Variants in CA12 observed in about 807,000 individuals in gnomAD.
CA12 encodes carbonic anhydrase 12.
CA12 carries 36 observed loss-of-function variants against 46.8 expected under a neutral mutation model. That is an observed-to-expected ratio of 0.77 (90% CI 0.59 to 1.02). The LOEUF is 1.02. Ranked by LOEUF, CA12 falls within the 50% of genes least tolerant of loss-of-function variation. The pLI, the probability that CA12 is intolerant of heterozygous loss-of-function variation, is 0.00. For missense variants in CA12, 436 were observed against 451.4 expected (o/e 0.97, Z 0.31); for synonymous variants, 202 against 187.0 (o/e 1.08, Z -0.65).
Position 63,331,932 on chromosome 15 carries a change from C to T in CA12, c.875-3802G>A, listed in dbSNP as rs1407858226. 5 of 152,150 alleles carry T rather than the reference C, an allele frequency of 3.3e-5. No homozygotes were observed. The allele number at this position is 152,150 out of a possible 1,614,324, so 9.4% of individuals were successfully genotyped here. A position where few individuals can be genotyped will look rare whatever the true frequency, so the allele number is the denominator to read the frequency against. On this transcript the variant is annotated intron_variant, in intron 8 of 10. Coordinates refer to ENST00000178638, the MANE Select transcript of CA12 (RefSeq NM_001218.5). The surrounding 1 kb of genome is among the most constrained non-coding windows in gnomAD (Gnocchi z 5.3). ...ATCTGGAGGTTCCTGGAACAACAGTCTAGTATTTTCTAGCTCTATTTACGA... is the reference window on the plus strand; with the variant it reads ...ATCTGGAGGTTCCTGGAACAACAGTTTAGTATTTTCTAGCTCTATTTACGA...
chr15:63,367,858 C>G (rs1019531999), intron 2 of CA12, among the ~76,000 whole-genome samples: 3 of 152,118 alleles, frequency 2.0e-5, no homozygotes, highest in African/African-American at 4.8e-5. Context: ...ACTAAAAAAA[C>G]TAGTGCCTAA....
At chr15:63,376,557 C>CCTTTCTTTCTTTCCTTCTTTCTTT (rs1555432627) in intron 1 of CA12, among the ~76,000 whole-genome samples, 3 of 104,526 alleles carry the variant, frequency 2.9e-5, no homozygotes, top group African/African-American at 1.1e-4. Flanking sequence ...CTCTTTCTTT[C>CCTTTCTTTCTTTCCTTCTTTCTTT]CTTTCTTTCT....
In CA12 at chr15:63,328,319, ATCCC is replaced by A. The variant is rs1372290139; in HGVS notation, c.875-193_875-190del. Among the ~76,000 whole-genome samples the A allele has an allele frequency of 1.3e-5, 2 of 150,158 alleles. No homozygotes were observed. The highest frequency in any genetic ancestry group is 4.9e-5 in the African/African-American group (2 of 40,858). The stretch of plus-strand genomic sequence containing the variant: ...GCCCATCTAGGGAATTCATACTGCA[ATCCC>A]TCCTTCCGATGCTCCTTTTTTTTTT... On this transcript the variant is annotated intron_variant, in intron 8 of 10. Coordinates refer to ENST00000178638, the MANE Select transcript of CA12 (RefSeq NM_001218.5). This position sits in a 1 kb window ranked among gnomAD's most constrained non-coding sequence, Gnocchi z 5.9.
At chr15:63,347,302 G>C (rs573708645) in intron 2 of CA12, among the ~76,000 whole-genome samples, 3 of 152,366 alleles carry the variant, frequency 2.0e-5, no homozygotes, top group Non-Finnish European at 4.4e-5. Flanking sequence ...CTTTGTGGCT[G>C]CTGGCTTTGC....
At chr15:63,332,735 C>T (rs554774657) in intron 8 of CA12, among the ~76,000 whole-genome samples, 4 of 152,132 alleles carry the variant, frequency 2.6e-5, no homozygotes, top group South Asian at 2.1e-4. Context: ...AAAAACAAGA[C>T]AATAAAACGA....
Position 63,374,216 on chromosome 15 carries a change from G to A in CA12, c.106+1442C>T, listed in dbSNP as rs530332092. On this transcript the variant is annotated intron_variant, in intron 2 of 10. Coordinates refer to ENST00000178638, the MANE Select transcript of CA12 (RefSeq NM_001218.5). The surrounding 1 kb of genome is among the most constrained non-coding windows in gnomAD (Gnocchi z 4.4). ...CTCTGACCTTAGAGCCCGTGACTCC[G>A]CTATCAACCCTTCTCCACATGCTTT... Among the ~76,000 whole-genome samples the A allele has an allele frequency of 9.2e-5, 14 of 152,124 alleles. No homozygotes were observed. The highest frequency in any genetic ancestry group is 1.8e-4 in the Non-Finnish European group (12 of 67,986).
At chr15:63,377,874 T>A (rs898869813) in intron 1 of CA12, among the ~76,000 whole-genome samples, 4 of 152,244 alleles carry the variant, frequency 2.6e-5, no homozygotes, top group Non-Finnish European at 4.4e-5. Context: ...GCCCATCTCC[T>A]CCTTTTGTAG....
rs897806750 is a variant in CA12 at position 63,330,304 on chromosome 15, G to T, written c.875-2174C>A. Among the ~76,000 whole-genome samples, 1 of 152,160 alleles carries T rather than the reference G, an allele frequency of 6.6e-6. No individual in the cohort carries two copies. The highest frequency in any genetic ancestry group is 1.5e-5 in the Non-Finnish European group (1 of 68,022). ...CACAGTGGAACTTGGTATTAGGGTT[G>T]GTTGTTTCTTTTTTAAATGTAACCA... On this transcript the variant is annotated intron_variant, in intron 8 of 10. Transcript: ENST00000178638. This position sits in a 1 kb window ranked among gnomAD's most constrained non-coding sequence, Gnocchi z 4.0.
In CA12 at chr15:63,372,191, A is replaced by G. The variant is rs749759113; in HGVS notation, c.106+3467T>C. 1.3e-5 allele frequency among the ~76,000 whole-genome samples: 2 copies of G among 152,186 alleles called. No homozygotes were observed. The highest frequency in any genetic ancestry group is 2.9e-5 in the Non-Finnish European group (2 of 68,036). On this transcript the variant is annotated intron_variant, in intron 2 of 10. Transcript: ENST00000178638. This position sits in a 1 kb window ranked among gnomAD's most constrained non-coding sequence, Gnocchi z 4.5. ...GACAACCTGACCTGCAGCTGTCCTC[A>G]GTTCACAGCAAGTGAAGCTGCCGGG...
chr15:63,376,578 C>CT (rs1555432656), intron 1 of CA12, among the ~76,000 whole-genome samples: 3 of 116,600 alleles, frequency 2.6e-5, no homozygotes, highest in Non-Finnish European at 5.4e-5. Flanking sequence ...TTCTTTCTTT[C>CT]TTTCTTTCTT....
chr15:63,357,350 G>A (rs892553463), intron 2 of CA12, among the ~76,000 whole-genome samples: 1 of 152,192 alleles, frequency 6.6e-6, no homozygotes, highest in Admixed American at 6.5e-5. Context: ...TGCTGCTGCT[G>A]CTGGGTCCAG....
At chr15:63,359,722 C>A (rs1345485157) in intron 2 of CA12, among the ~76,000 whole-genome samples, 1 of 152,070 alleles carries the variant, frequency 6.6e-6, no homozygotes, top group Non-Finnish European at 1.5e-5. Flanking sequence ...GGATTGAATC[C>A]TGGATCAGAA....
chr15:63,343,917 A>C (rs778537102), intron 4 of CA12, among the ~76,000 whole-genome samples: 2 of 142,826 alleles, frequency 1.4e-5, no homozygotes, highest in Non-Finnish European at 3.0e-5. Flanking sequence ...CAAAGATAAA[A>C]AAGCAACACA....
rs903925266 is a variant in CA12 at position 63,374,177 on chromosome 15, G to A, written c.106+1481C>T. On this transcript the variant is annotated intron_variant, in intron 2 of 10. Coordinates refer to ENST00000178638, the MANE Select transcript of CA12 (RefSeq NM_001218.5). This position sits in a 1 kb window ranked among gnomAD's most constrained non-coding sequence, Gnocchi z 4.4. The stretch of plus-strand genomic sequence containing the variant: ...CTGACCCTCCACACCTCCCCTGTTT[G>A]ACCCAGCCTATCTCTCTGACCTTAG... Among the ~76,000 whole-genome samples the A allele has an allele frequency of 1.5e-4, 23 of 152,136 alleles. No homozygotes were observed. Among genetic ancestry groups the A allele is most frequent in the Middle Eastern group, 3.4e-3 (1 of 294 alleles).
chr15:63,340,543 C>T lies in CA12; in HGVS notation c.590-98G>A. 2 of 1,530,106 alleles carry T rather than the reference C, an allele frequency of 1.3e-6. No individual in the cohort carries two copies. Among genetic ancestry groups the T allele is most frequent in the Non-Finnish European group, 1.8e-6 (2 of 1,104,110 alleles). 94.8% of individuals were successfully genotyped at this position (1,530,106 alleles called of 1,614,324 possible). The stretch of plus-strand genomic sequence containing the variant: ...ACTGAGCCTAGAAACATGAACTAGC[C>T]CCTTTCAGGGTCATCTAACCCCAGG... On this transcript the variant is annotated intron_variant, in intron 6 of 10. Coordinates refer to ENST00000178638, the MANE Select transcript of CA12 (RefSeq NM_001218.5). This position sits in a 1 kb window ranked among gnomAD's most constrained non-coding sequence, Gnocchi z 4.4.
intron 2 of CA12, among the ~76,000 whole-genome samples, chr15:63,356,625 C>T (rs961889663): frequency 2.5e-4 from 38 of 151,484 alleles, no homozygotes; most frequent in African/African-American, 7.3e-4. Flanking sequence ...TGGGTTCAAG[C>T]GATTCTCGTG....
At position 63,329,223 on chromosome 15, in the gene CA12, C is replaced by T. The variant is rs957161865; in HGVS notation, c.875-1093G>A. Among the ~76,000 whole-genome samples the T allele has an allele frequency of 6.6e-6, 1 of 152,216 alleles. No homozygotes were observed. The highest frequency in any genetic ancestry group is 2.4e-5 in the African/African-American group (1 of 41,454). ...GGACAAACGCCTTCACCACATCAGC[C>T]CCACTTCTCTGCTCCATGGAACCAG... On this transcript the variant is annotated intron_variant, in intron 8 of 10. Transcript: ENST00000178638. The surrounding 1 kb of genome is among the most constrained non-coding windows in gnomAD (Gnocchi z 4.8).
chr15:63,377,137 C>T (rs2039587933), intron 1 of CA12, among the ~76,000 whole-genome samples: 1 of 152,188 alleles, frequency 6.6e-6, no homozygotes, highest in Admixed American at 6.5e-5. Flanking sequence ...CAGAGCTGTG[C>T]TCTTGTGACC....
Position 63,346,822 on chromosome 15 carries a change from C to G in CA12, c.107-113G>C. 5.0e-6 allele frequency: 6 copies of G among 1,210,392 alleles called. No homozygotes were observed. The South Asian group carries it at 7.7e-5, about 15-fold the overall frequency. The allele number at this position is 1,210,392 out of a possible 1,614,324, so 75.0% of individuals were successfully genotyped here. A position where few individuals can be genotyped will look rare whatever the true frequency, so the allele number is the denominator to read the frequency against. Reference sequence around the variant, plus strand: ...CCTTTTCTCCTCTTTTCTGAATCCCCGGAGGTAAATCTTCAAGGCTCAGAG... The same window carrying G: ...CCTTTTCTCCTCTTTTCTGAATCCCGGGAGGTAAATCTTCAAGGCTCAGAG... On this transcript the variant is annotated intron_variant, in intron 2 of 10. Transcript: ENST00000178638.
Sources: gnomAD v4.1 joint callset for allele counts (sites outside exome capture counted in the v4.1 genomes callset) on GRCh38, gnomAD v4.1.1 for gene constraint, Gnocchi (gnomAD v3.1) non-coding constraint, MANE v1.5 for transcripts, NCBI Gene and HGNC (gene_info 2026-07-23, HGNC 2026-07-21) for gene names.